Variants in BTBD9 observed in about 807,000 individuals in gnomAD.
BTBD9 encodes BTB domain containing 9.
Under a neutral mutation model 64.3 loss-of-function variants are expected in BTBD9, and 49 were observed. The ratio of observed to expected loss-of-function variants is 0.76; its 90% CI spans 0.61 to 0.97. The LOEUF is 0.97. Among genes scored for constraint, BTBD9 ranks in the 50% least tolerant of loss-of-function variants. The probability of loss-of-function intolerance (pLI) is 0.00; values close to 1 mark genes in which losing one functional copy is unlikely to be tolerated. For synonymous variants in BTBD9, 260 were observed against 274.7 expected, an observed-to-expected ratio of 0.95 and a Z score of 0.53; for missense variants, 598 against 762.1, an observed-to-expected ratio of 0.78 and a Z score of 2.53.
chr6:38,339,483 G>T (rs1475921079), intron 7 of BTBD9, among the ~76,000 whole-genome samples: 2 of 151,640 alleles, frequency 1.3e-5, no homozygotes, highest in Admixed American at 1.3e-4. Flanking sequence ...AAAAGAAAAA[G>T]AAAATAAAAG....
intron 9 of BTBD9, among the ~76,000 whole-genome samples, chr6:38,252,976 C>T (rs1466687122): frequency 6.6e-6 from 1 of 152,056 alleles, no homozygotes; most frequent in Non-Finnish European, 1.5e-5. Context: ...TAGCTTGGCG[C>T]AGTGGCACAC....
chr6:38,405,948 G>A (rs1767142247), intron 6 of BTBD9, among the ~76,000 whole-genome samples: 1 of 152,264 alleles, frequency 6.6e-6, no homozygotes, highest in South Asian at 2.1e-4. Flanking sequence ...AGATGCTGGG[G>A]GAGGGGCAGT....
At chr6:38,359,631 G>C (rs1389068791) in intron 6 of BTBD9, among the ~76,000 whole-genome samples, 1 of 152,148 alleles carries the variant, frequency 6.6e-6, no homozygotes. Context: ...TTCAGTATGT[G>C]CATTACTCAG....
At position 38,184,522 on chromosome 6, in the gene BTBD9, G is replaced by C. The variant is rs965869322; in HGVS notation, c.1641+7997C>G. The stretch of plus-strand genomic sequence containing the variant: ...TGCTCTCTGCAGACCAGGAGCTTTT[G>C]CAAGGAGAGGGCTGCCTCTCCATTT... On this transcript the variant is annotated intron_variant, in intron 10 of 10. Transcript: ENST00000481247. This position sits in a 1 kb window ranked among gnomAD's most constrained non-coding sequence, Gnocchi z 4.4. Among the ~76,000 whole-genome samples the C allele has an allele frequency of 2.0e-5, 3 of 152,098 alleles. No individual in the cohort carries two copies. The highest frequency in any genetic ancestry group is 4.4e-5 in the Non-Finnish European group (3 of 68,016).
At chr6:38,279,847 T>A (rs2127550092) in intron 8 of BTBD9, among the ~76,000 whole-genome samples, 1 of 152,300 alleles carries the variant, frequency 6.6e-6, no homozygotes, top group East Asian at 1.9e-4. Context: ...AAATCCTCTG[T>A]AAAAATGTCT....
At chr6:38,233,091 A>G (rs1244511615) in intron 9 of BTBD9, among the ~76,000 whole-genome samples, 3 of 152,180 alleles carry the variant, frequency 2.0e-5, no homozygotes, top group Non-Finnish European at 4.4e-5. Flanking sequence ...GTGAGCAAGA[A>G]TTTGATTTGG....
At chr6:38,448,469 C>G (rs1034035860) in intron 6 of BTBD9, among the ~76,000 whole-genome samples, 1 of 152,160 alleles carries the variant, frequency 6.6e-6, no homozygotes, top group East Asian at 1.9e-4. Context: ...AACTACCAAG[C>G]ACACTAAAGG....
chr6:38,556,535 G>A (rs1303061392), intron 6 of BTBD9, among the ~76,000 whole-genome samples: 1 of 52,652 alleles, frequency 1.9e-5, no homozygotes, highest in Admixed American at 1.9e-4. Context: ...GTGTGTGTGT[G>A]TGTGTGTGTG....
intron 4 of BTBD9, among the ~76,000 whole-genome samples, chr6:38,585,503 T>C (rs1776475546): frequency 6.6e-6 from 1 of 152,110 alleles, no homozygotes; most frequent in South Asian, 2.1e-4. Context: ...AGAGACTGCA[T>C]CTCACTATAT....
intron 6 of BTBD9, among the ~76,000 whole-genome samples, chr6:38,434,516 T>C (rs900958083): frequency 2.0e-5 from 3 of 151,954 alleles, no homozygotes; most frequent in African/African-American, 7.3e-5. Context: ...TGTATTTGAT[T>C]GATGTCTCCT....
At chr6:38,417,482 G>C (rs899689345) in intron 6 of BTBD9, among the ~76,000 whole-genome samples, 1 of 152,208 alleles carries the variant, frequency 6.6e-6, no homozygotes, top group African/African-American at 2.4e-5. Context: ...TTAATAAAGT[G>C]TTGACACATA....
chr6:38,208,527 A>G (rs759885564), intron 9 of BTBD9, among the ~76,000 whole-genome samples: 10 of 152,164 alleles, frequency 6.6e-5, no homozygotes, highest in Admixed American at 2.6e-4. Context: ...TGTCCCCGCT[A>G]GGTCCCCAAA....
chr6:38,553,827 T>TGGGTG (rs1019865421), intron 6 of BTBD9, among the ~76,000 whole-genome samples: 1 of 151,760 alleles, frequency 6.6e-6, no homozygotes, highest in Admixed American at 6.6e-5. Context: ...CACTCCAGTC[T>TGGGTG]GGGTGACAGA....
At chr6:38,356,064 A>C (rs561013290) in intron 6 of BTBD9, among the ~76,000 whole-genome samples, 46 of 152,214 alleles carry the variant, frequency 3.0e-4, no homozygotes, top group African/African-American at 9.9e-4. Flanking sequence ...CCACTATGAT[A>C]CCAGATCAGG....
At chr6:38,566,776 T>C (rs995523439) in intron 6 of BTBD9, among the ~76,000 whole-genome samples, 3 of 152,192 alleles carry the variant, frequency 2.0e-5, no homozygotes, top group African/African-American at 7.2e-5. Context: ...TTAAGCACTG[T>C]AGGTATACAT....
chr6:38,308,726 C>T (rs751327753), intron 7 of BTBD9, among the ~76,000 whole-genome samples: 14 of 152,084 alleles, frequency 9.2e-5, no homozygotes, highest in Non-Finnish European at 1.8e-4. Flanking sequence ...CCACCTCAGC[C>T]TCTGGAGTAG....
intron 6 of BTBD9, among the ~76,000 whole-genome samples, chr6:38,527,670 G>A (rs1773570199): frequency 1.3e-5 from 2 of 152,026 alleles, no homozygotes; most frequent in South Asian, 4.1e-4. Flanking sequence ...GTCTTGGATA[G>A]TATCTTTACA....
At position 38,526,192 on chromosome 6, in the gene BTBD9, C is replaced by G. The variant is rs566278541; in HGVS notation, c.1154+51408G>C. ...TGGGACACAGTGCCCTGTATCGCAC[C>G]TGCTCCAGCTCCAGCCACAGCTAAA... On this transcript the variant is annotated intron_variant, in intron 6 of 10. Coordinates refer to ENST00000481247, the MANE Select transcript of BTBD9 (RefSeq NM_001099272.2). Among the ~76,000 whole-genome samples, 189 of 152,354 alleles carry G rather than the reference C, an allele frequency of 1.2e-3. 1 individual carries two copies. The highest frequency in any genetic ancestry group is 0.01 in the Middle Eastern group (3 of 294).
intron 4 of BTBD9, chr6:38,587,553 C>T: frequency 1.7e-6 from 1 of 576,384 alleles, no homozygotes; most frequent in Non-Finnish European, 3.3e-6. Flanking sequence ...CTGATCTTTC[C>T]TTTGCAATTC....
Sources: gnomAD v4.1 joint callset for allele counts (sites outside exome capture counted in the v4.1 genomes callset) on GRCh38, gnomAD v4.1.1 for gene constraint, Gnocchi (gnomAD v3.1) non-coding constraint, MANE v1.5 for transcripts, NCBI Gene and HGNC (gene_info 2026-07-23, HGNC 2026-07-21) for gene names.